Variants in EFR3B observed in about 807,000 individuals in gnomAD.
EFR3B encodes the protein EFR3 homolog B.
A neutral mutation model predicts 104.7 loss-of-function variants in EFR3B; 64 were observed. The ratio of observed to expected loss-of-function variants is 0.61; its 90% CI spans 0.50 to 0.75. The LOEUF (loss-of-function observed/expected upper bound fraction) is 0.75, where lower values mean the gene tolerates loss of function less well. EFR3B is among the 30% of genes least tolerant of loss of function. The pLI is 0.00. For missense variants in EFR3B, 750 were observed against 1,078.5 expected (o/e 0.70, Z 4.27); for synonymous variants, 385 against 417.9 (o/e 0.92, Z 0.96).
intron 1 of EFR3B, among the ~76,000 whole-genome samples, chr2:25,075,408 C>T (rs1399729099): frequency 4.6e-5 from 7 of 152,184 alleles, no homozygotes; most frequent in African/African-American, 1.7e-4. Context: ...ATAATAGGCA[C>T]TCAGGACATG....
chr2:25,102,348 T>C (rs1669449892), intron 3 of EFR3B, among the ~76,000 whole-genome samples: 1 of 152,192 alleles, frequency 6.6e-6, no homozygotes, highest in African/African-American at 2.4e-5. Context: ...ATTATATTAG[T>C]CCATTCTCAT....
intron 1 of EFR3B, among the ~76,000 whole-genome samples, chr2:25,061,392 C>CG (rs1387826131): frequency 6.6e-6 from 1 of 151,880 alleles, no homozygotes; most frequent in East Asian, 1.9e-4. Context: ...GGATTACAGG[C>CG]GGGATGCACC....
At chr2:25,125,058 G>A (rs762987637) in intron 5 of EFR3B, among the ~76,000 whole-genome samples, 3 of 152,038 alleles carry the variant, frequency 2.0e-5, no homozygotes, top group African/African-American at 4.8e-5. Context: ...ACTCCGTGTC[G>A]AAAAATAAAT....
intron 18 of EFR3B, among the ~76,000 whole-genome samples, chr2:25,144,516 C>G (rs1420211917): frequency 2.0e-5 from 3 of 151,972 alleles, no homozygotes; most frequent in African/African-American, 7.3e-5. Context: ...TGCACTCCAG[C>G]CTGGGCGACA....
At chr2:25,060,870 G>C (rs575309127) in intron 1 of EFR3B, among the ~76,000 whole-genome samples, 32 of 151,638 alleles carry the variant, frequency 2.1e-4, no homozygotes, top group African/African-American at 7.7e-4. Flanking sequence ...GCAGTGAGCC[G>C]AGATCGCCCC....
intron 1 of EFR3B, among the ~76,000 whole-genome samples, chr2:25,075,750 A>C (rs1380915640): frequency 1.3e-5 from 2 of 152,236 alleles, no homozygotes; most frequent in African/African-American, 4.8e-5. Flanking sequence ...TAAAACAAGG[A>C]TAACTGTATC....
chr2:25,078,981 C>A (rs1214403727), intron 1 of EFR3B, among the ~76,000 whole-genome samples: 1 of 152,172 alleles, frequency 6.6e-6, no homozygotes, highest in Non-Finnish European at 1.5e-5. Flanking sequence ...TGCTTCCGAC[C>A]TCCCAACCCT....
At chr2:25,118,128 T>C (rs1669912955) in intron 4 of EFR3B, among the ~76,000 whole-genome samples, 1 of 152,138 alleles carries the variant, frequency 6.6e-6, no homozygotes, top group South Asian at 2.1e-4. Flanking sequence ...TACAGGCGCG[T>C]ACCGCCATGC....
At chr2:25,107,119 C>T (rs1669586192) in intron 4 of EFR3B, among the ~76,000 whole-genome samples, 2 of 152,110 alleles carry the variant, frequency 1.3e-5, no homozygotes, top group South Asian at 4.1e-4. Context: ...TCTTTCGGCC[C>T]CTGTGCATCT....
intron 1 of EFR3B, among the ~76,000 whole-genome samples, chr2:25,062,664 G>A (rs966720012): frequency 2.0e-5 from 3 of 152,260 alleles, no homozygotes; most frequent in Admixed American, 2.0e-4. Flanking sequence ...GTGCCGAGTA[G>A]CAAGCAGAGG....
At chr2:25,144,862 A>G (rs766753659) in intron 18 of EFR3B, 98 bp from the exon 19 acceptor site, 73 of 1,054,446 alleles carry the variant, frequency 6.9e-5, no homozygotes, top group Non-Finnish European at 9.6e-5. Flanking sequence ...AGGACTGTGG[A>G]CCAAGCAAAG....
intron 1 of EFR3B, chr2:25,058,163 A>G (rs1231059562): frequency 1.3e-5 from 2 of 152,186 alleles, no homozygotes; most frequent in Admixed American, 6.5e-5. Flanking sequence ...TGGCATCAAT[A>G]TGGTAACCTC....
At chr2:25,045,771 G>A (rs1007720933) in intron 1 of EFR3B, among the ~76,000 whole-genome samples, 4 of 151,112 alleles carry the variant, frequency 2.6e-5, no homozygotes, top group African/African-American at 7.3e-5. Flanking sequence ...AGACAAGAGC[G>A]AGACTCCATC....
At position 25,042,098 on chromosome 2, in the gene EFR3B, G is replaced by A. The variant is rs559605909; in HGVS notation, c.-215G>A. On this transcript the variant is annotated 5_prime_UTR_variant, in exon 1 of 23. Transcript: ENST00000403714. This position sits in a 1 kb window ranked among gnomAD's most constrained non-coding sequence, Gnocchi z 5.4. Reference sequence around the variant, plus strand: ...CGCAGCAGTGCCCAGCAACCCGAGCGGAGGCGGCCGCTGCAGCCCGGCGCT... The same window carrying A: ...CGCAGCAGTGCCCAGCAACCCGAGCAGAGGCGGCCGCTGCAGCCCGGCGCT... The A allele has an allele frequency of 3.4e-4, 110 of 322,108 alleles. No individual in the cohort carries two copies. Among genetic ancestry groups the A allele is most frequent in the African/African-American group, 2.3e-3 (104 of 45,154 alleles). The allele number at this position is 322,108 out of a possible 1,614,324, so 20.0% of individuals were successfully genotyped here. A position where few individuals can be genotyped will look rare whatever the true frequency, so the allele number is the denominator to read the frequency against.
intron 1 of EFR3B, among the ~76,000 whole-genome samples, chr2:25,057,562 A>G (rs989322256): frequency 3.9e-5 from 6 of 152,040 alleles, no homozygotes; most frequent in African/African-American, 9.7e-5. Context: ...CGGGTGGATC[A>G]CCTGAGGTCG....
chr2:25,148,043 AAAAAG>A (rs1312554394), intron 19 of EFR3B, among the ~76,000 whole-genome samples: 141 of 151,542 alleles, frequency 9.3e-4, no homozygotes, highest in African/African-American at 3.2e-3. Context: ...AAAAAAAAAA[AAAAAG>A]AAGAGCATGA....
At position 25,101,816 on chromosome 2, in the gene EFR3B, G is replaced by A. The variant is rs550944942; in HGVS notation, c.213-1821G>A. On this transcript the variant is annotated intron_variant, in intron 3 of 22. Coordinates refer to ENST00000403714, the MANE Select transcript of EFR3B (RefSeq NM_014971.2). ...AGGGGAGACATCTAGCATTCTGCCC[G>A]GGAAACTTAACTCCGAAACTGTAAA... Among the ~76,000 whole-genome samples, 71 of 150,378 alleles carry A rather than the reference G, an allele frequency of 4.7e-4. 1 individual carries two copies. The East Asian group carries it at 0.01, about 22-fold the overall frequency.
chr2:25,143,044 G>C (rs1225987034), intron 17 of EFR3B, among the ~76,000 whole-genome samples: 1 of 149,722 alleles, frequency 6.7e-6, no homozygotes, highest in African/African-American at 2.5e-5. Context: ...TCAGAAGATC[G>C]AGACCATCCT....
intron 4 of EFR3B, among the ~76,000 whole-genome samples, chr2:25,104,974 C>T (rs1213055550): frequency 6.6e-6 from 1 of 152,176 alleles, no homozygotes; most frequent in Non-Finnish European, 1.5e-5. Flanking sequence ...CCCTGGTTGT[C>T]TTTAATATCT....
Sources: allele counts gnomAD v4.1 joint callset (sites outside exome capture counted in the v4.1 genomes callset), GRCh38; gene constraint gnomAD v4.1.1; non-coding constraint Gnocchi (gnomAD v3.1); transcripts MANE v1.5; gene names NCBI Gene and HGNC (gene_info 2026-07-23, HGNC 2026-07-21).